Variants in CREB5 observed in about 807,000 individuals in gnomAD.
CREB5 encodes the protein cAMP responsive element binding protein 5.
In CREB5, 19 loss-of-function variants were observed where a neutral mutation model predicts 57.1. That is an observed-to-expected ratio of 0.33 (90% confidence interval 0.23 to 0.49). The LOEUF (loss-of-function observed/expected upper bound fraction) is 0.49, where lower values mean the gene tolerates loss of function less well. CREB5 is among the 20% of genes least tolerant of loss of function. The pLI, the probability that CREB5 is intolerant of heterozygous loss-of-function variation, is 0.99. For missense variants in CREB5, 579 were observed against 671.6 expected, an observed-to-expected ratio of 0.86 and a Z score of 1.52; for synonymous variants, 238 against 238.3, an observed-to-expected ratio of 1.00 and a Z score of 0.01.
In CREB5 at chr7:28,757,866, T is replaced by C. The variant is rs548023437; in HGVS notation, c.702+33534T>C. ...AAAGTCAAAATCTGAAATCCTCCAG[T>C]GAGCATCTCCTTTGAGCATCGCGGT... On this transcript the variant is annotated intron_variant, in intron 7 of 10. Coordinates refer to ENST00000357727, the MANE Select transcript of CREB5 (RefSeq NM_182898.4). 3.3e-5 allele frequency among the ~76,000 whole-genome samples: 5 copies of C among 152,282 alleles called. No individual in the cohort carries two copies. In the South Asian group the frequency reaches 8.3e-4, roughly 25 times the overall value.
intron 1 of CREB5, among the ~76,000 whole-genome samples, chr7:28,461,718 A>G (rs1790357531): frequency 6.6e-6 from 1 of 152,220 alleles, no homozygotes; most frequent in African/African-American, 2.4e-5. Flanking sequence ...GTGATTGAGT[A>G]TGTAGACTTT....
intron 1 of CREB5, among the ~76,000 whole-genome samples, chr7:28,337,480 T>C (rs751286013): frequency 1.3e-5 from 2 of 152,086 alleles, no homozygotes; most frequent in African/African-American, 2.4e-5. Context: ...TAGTTTCATC[T>C]TGCAATTTAT....
chr7:28,406,923 TAAA>T (rs11332678), intron 1 of CREB5, among the ~76,000 whole-genome samples: 55 of 149,870 alleles, frequency 3.7e-4, no homozygotes, highest in South Asian at 1.5e-3. Flanking sequence ...GTTAAGTTTG[TAAA>T]AAAAAAAAAA....
chr7:28,797,094 G>T (rs567575630), intron 7 of CREB5, among the ~76,000 whole-genome samples: 1 of 152,296 alleles, frequency 6.6e-6, no homozygotes, highest in East Asian at 1.9e-4. Flanking sequence ...ATTAATATAT[G>T]ATTTAGATAT....
At chr7:28,771,787 C>T (rs965563201) in intron 7 of CREB5, among the ~76,000 whole-genome samples, 2 of 10,790 alleles carry the variant, frequency 1.9e-4, no homozygotes, top group Non-Finnish European at 3.4e-4. Flanking sequence ...TATAGTTCCC[C>T]GTGGGTGGGT....
intron 4 of CREB5, among the ~76,000 whole-genome samples, chr7:28,563,987 T>C (rs983116375): frequency 6.6e-6 from 1 of 152,210 alleles, no homozygotes; most frequent in Non-Finnish European, 1.5e-5. Context: ...TCCTGATAGA[T>C]AGCTCCTGAG....
chr7:28,413,548 A>C (rs42712), intron 1 of CREB5, among the ~76,000 whole-genome samples: 141,290 of 152,190 alleles, frequency 0.93, 65,673 homozygotes, highest in East Asian at 0.98. Context: ...TTTTCAACTT[A>C]ACTCATAGTA....
intron 1 of CREB5, among the ~76,000 whole-genome samples, chr7:28,467,901 A>G (rs545189971): frequency 2.6e-5 from 4 of 152,310 alleles, no homozygotes; most frequent in African/African-American, 9.6e-5. Context: ...ACAGTTCTCT[A>G]TGAGGAGGAA....
intron 1 of CREB5, among the ~76,000 whole-genome samples, chr7:28,383,564 T>G (rs952494270): frequency 6.6e-6 from 1 of 152,208 alleles, no homozygotes; most frequent in East Asian, 1.9e-4. Context: ...AGCAGGCTCA[T>G]CTCACATGGC....
rs2127990419 is a variant in CREB5, at chr7:28,350,196, T to A, written c.-25+50755T>A. 1.3e-5 allele frequency among the ~76,000 whole-genome samples: 2 copies of A among 152,312 alleles called. 1 individual carries two copies. The highest frequency in any genetic ancestry group is 6.8e-3 in the Middle Eastern group (2 of 294). On this transcript the variant is annotated intron_variant, in intron 1 of 9. Coordinates refer to the CREB5 transcript ENST00000396299. ...ATATATCCATATCCATATTCATAAT[T>A]ATATCTCTGATTATCTTAAAGATAG...
At chr7:28,517,319 C>T (rs1232644511) in intron 4 of CREB5, among the ~76,000 whole-genome samples, 1 of 152,222 alleles carries the variant, frequency 6.6e-6, no homozygotes, top group African/African-American at 2.4e-5. Flanking sequence ...GAGTGATTTA[C>T]TCTGAGAACT....
chr7:28,804,316 A>G lies in CREB5; in HGVS notation c.820A>G (p.Met274Val), dbSNP rs1234376559. ...SRQDQTPHHHMHSHPHQHQTL... is the reference protein window; with the variant it reads ...SRQDQTPHHHVHSHPHQHQTL... ...GCAGGACCAGACGCCACACCATCAC[A>G]TGCACTCGCACCCGCATCAGCACCA... The change falls in exon 8 of 11, where the codon ATG becomes GTG. Residue 274 changes from methionine (M) to valine (V), a missense_variant. Met to Val is a conservative substitution (Grantham distance 21). This residue lies in a region of CREB5 where 459 missense variants were observed against 515.7 expected (regional missense o/e 0.89). Coordinates refer to ENST00000357727, the MANE Select transcript of CREB5 (RefSeq NM_182898.4). The G allele has an allele frequency of 6.8e-6, 11 of 1,613,734 alleles. No homozygotes were observed. Among genetic ancestry groups the G allele is most frequent in the Admixed American group, 1.7e-5 (1 of 59,974 alleles).
At chr7:28,736,275 T>G (rs549652566) in intron 7 of CREB5, among the ~76,000 whole-genome samples, 1 of 152,218 alleles carries the variant, frequency 6.6e-6, no homozygotes, top group Non-Finnish European at 1.5e-5. Context: ...GTTCAAGCAT[T>G]TCTCCTGCCT....
chr7:28,499,363 G>A (rs1792183204), intron 3 of CREB5, among the ~76,000 whole-genome samples: 1 of 152,044 alleles, frequency 6.6e-6, no homozygotes, highest in African/African-American at 2.4e-5. Context: ...GTGGAGAGAG[G>A]TTGAGACAGC....
intron 2 of CREB5, among the ~76,000 whole-genome samples, chr7:28,492,689 T>C (rs1791855798): frequency 6.7e-6 from 1 of 150,080 alleles, no homozygotes; most frequent in South Asian, 2.1e-4. Context: ...TGAAGGCTAT[T>C]ACCATGTTGT....
chr7:28,539,238 A>G (rs999780539), intron 4 of CREB5, among the ~76,000 whole-genome samples: 5 of 152,206 alleles, frequency 3.3e-5, no homozygotes, highest in African/African-American at 1.2e-4. Context: ...CATAGTAAAT[A>G]CTCAGGAACT....
intron 6 of CREB5, among the ~76,000 whole-genome samples, chr7:28,723,373 T>A (rs1803152914): frequency 6.6e-6 from 1 of 152,214 alleles, no homozygotes; most frequent in Non-Finnish European, 1.5e-5. Flanking sequence ...ACGAGCACCC[T>A]GGAGATTAAA....
At chr7:28,426,788 C>G (rs1191583234) in intron 1 of CREB5, among the ~76,000 whole-genome samples, 2 of 152,248 alleles carry the variant, frequency 1.3e-5, no homozygotes, top group Non-Finnish European at 2.9e-5. Flanking sequence ...TAAACTCCCT[C>G]TCCTGGATTG....
At chr7:28,442,312 T>C (rs73297155) in intron 1 of CREB5, among the ~76,000 whole-genome samples, 2,607 of 152,288 alleles carry the variant, frequency 0.017, 87 homozygotes, top group African/African-American at 0.059. Context: ...AGTGTGTATA[T>C]ATGCCACATT....
Sources: gnomAD v4.1 joint callset for allele counts (sites outside exome capture counted in the v4.1 genomes callset) on GRCh38, gnomAD v4.1.1 for gene constraint, gnomAD v4.1.1 regional missense constraint, MANE v1.5 for transcripts, NCBI Gene and HGNC (gene_info 2026-07-23, HGNC 2026-07-21) for gene names.